MYO1E: variants seen among roughly 807,000 people sequenced by gnomAD.
MYO1E encodes myosin IE, also known as unconventional myosin-Ie.
Under a neutral mutation model 151.1 loss-of-function variants are expected in MYO1E, and 68 were observed. That is an observed-to-expected ratio of 0.45 (90% CI 0.37 to 0.55). MYO1E has a LOEUF of 0.55. Ranked by LOEUF, MYO1E falls within the 20% of genes least tolerant of loss-of-function variation. The pLI is 0.00. For missense variants in MYO1E, 1,363 were observed against 1,389.3 expected (o/e 0.98, Z 0.30); for synonymous variants, 601 against 501.7 (o/e 1.20, Z -2.64).
chr15:59,226,824 A>T (rs953720339), intron 7 of MYO1E, among the ~76,000 whole-genome samples: 8 of 152,196 alleles, frequency 5.3e-5, no homozygotes. Context: ...AAAATAAATA[A>T]AATAAAAGTA....
At chr15:59,346,208 C>T (rs2080793247) in intron 1 of MYO1E, among the ~76,000 whole-genome samples, 1 of 152,082 alleles carries the variant, frequency 6.6e-6, no homozygotes, top group African/African-American at 2.4e-5. Flanking sequence ...CGAGGTGCAT[C>T]ACTGAACATC....
Position 59,350,310 on chromosome 15 carries a change from G to T in MYO1E, c.3+22188C>A, listed in dbSNP as rs28473476. Among the ~76,000 whole-genome samples, 3,793 of 152,292 alleles carry T rather than the reference G, an allele frequency of 0.025. 154 individuals are homozygous for T. Among genetic ancestry groups the T allele is most frequent in the African/African-American group, 0.082 (3,425 of 41,554 alleles). On this transcript the variant is annotated intron_variant, in intron 1 of 27. Transcript: ENST00000288235. The surrounding 1 kb of genome is among the most constrained non-coding windows in gnomAD (Gnocchi z 5.0). ...TCTGCTGACTCACCTTCACACTCCA[G>T]CTAGAGGATACACTGACTCACAGTT...
chr15:59,210,265 T>G (rs2140340149), intron 13 of MYO1E, among the ~76,000 whole-genome samples: 1 of 152,256 alleles, frequency 6.6e-6, no homozygotes, highest in African/African-American at 2.4e-5. Context: ...GATCCTGTCT[T>G]CTCTTAGAAT....
intron 1 of MYO1E, among the ~76,000 whole-genome samples, chr15:59,335,171 G>A (rs2080720836): frequency 6.6e-6 from 1 of 152,196 alleles, no homozygotes; most frequent in Admixed American, 6.5e-5. Flanking sequence ...TATTTGCATA[G>A]CTCATGGCTT....
intron 4 of MYO1E, among the ~76,000 whole-genome samples, chr15:59,244,609 C>T (rs1377638720): frequency 2.6e-5 from 4 of 152,150 alleles, no homozygotes; most frequent in Non-Finnish European, 4.4e-5. Flanking sequence ...AACCTAACAC[C>T]TGCTGGCTCA....
intron 22 of MYO1E, among the ~76,000 whole-genome samples, chr15:59,169,562 TTTC>T (rs2079580094): frequency 6.6e-6 from 1 of 152,130 alleles, no homozygotes; most frequent in African/African-American, 2.4e-5. Flanking sequence ...TGACTCACAC[TTTC>T]TTTTTTTTTC....
At position 59,208,705 on chromosome 15, in the gene MYO1E, G is replaced by A. The variant is rs913508027; in HGVS notation, c.1506C>T (p.Phe502=). The A allele has an allele frequency of 6.2e-7, 1 of 1,614,206 alleles. No homozygotes were observed. The highest frequency in any genetic ancestry group is 1.7e-5 in the Admixed American group (1 of 60,022). The change falls in exon 14 of 28, where the codon TTC becomes TTT. Residue 502 remains phenylalanine (F), a synonymous_variant. Coordinates refer to ENST00000288235, the MANE Select transcript of MYO1E (RefSeq NM_004998.4). ...CCTTCCCAGCATAATGATGAATGAT[G>A]AAGCCTTGGTTCCAACTGTTGAAGT... is the stretch of plus-strand genomic sequence containing the variant. ...HEHFNSWNQG[F]IIHHYAGKVS... is the part of the protein sequence containing the mutation.
chr15:59,224,376 G>A (rs1453431992), intron 8 of MYO1E, among the ~76,000 whole-genome samples: 8 of 152,178 alleles, frequency 5.3e-5, no homozygotes, highest in Admixed American at 3.3e-4. Context: ...AATAGCTCAC[G>A]AATAGAGTAG....
chr15:59,258,068 G>A (rs2080204115), intron 3 of MYO1E, among the ~76,000 whole-genome samples: 1 of 152,092 alleles, frequency 6.6e-6, no homozygotes, highest in Non-Finnish European at 1.5e-5. Context: ...TGGAAGTGAG[G>A]GCTGGCCCTG....
chr15:59,319,001 T>A (rs1245317509), intron 1 of MYO1E, among the ~76,000 whole-genome samples: 1 of 152,168 alleles, frequency 6.6e-6, no homozygotes, highest in African/African-American at 2.4e-5. Flanking sequence ...TATGAATGGG[T>A]AAGTGTCATT....
Position 59,327,234 on chromosome 15 carries a change from G to A in MYO1E, c.3+45264C>T, listed in dbSNP as rs1212559621. Reference sequence around the variant, plus strand: ...TTTCTATTCCCATGGACCCACCAGTGCAGCCGTGGCTCACCGCTGGGCACT... The same window carrying A: ...TTTCTATTCCCATGGACCCACCAGTACAGCCGTGGCTCACCGCTGGGCACT... On this transcript the variant is annotated intron_variant, in intron 1 of 27. Transcript: ENST00000288235. 2.6e-5 allele frequency among the ~76,000 whole-genome samples: 4 copies of A among 152,096 alleles called. No homozygotes were observed. In the East Asian group the frequency reaches 7.7e-4, roughly 29 times the overall value.
chr15:59,280,033 T>C (rs1461196785), intron 1 of MYO1E, among the ~76,000 whole-genome samples: 3 of 152,204 alleles, frequency 2.0e-5, no homozygotes, highest in African/African-American at 7.2e-5. Context: ...CAGAATGAAA[T>C]ATATAAATGT....
rs751114567 is a variant in MYO1E, at chr15:59,138,268, A to G, written c.3180T>C (p.Tyr1060=). The change falls in exon 27 of 28, where the codon TAT becomes TAC. Residue 1060 remains tyrosine (Y), a synonymous_variant. Transcript: ENST00000288235. ...CGTCTGTGTCCTGAGCGTCATAGGC[A>G]TACAAAGCCTTGCACTGTGGCACCT... ...KPQVPQCKAL[Y]AYDAQDTDEL... 1 of 1,614,240 alleles carries G rather than the reference A, an allele frequency of 6.2e-7. No individual in the cohort carries two copies. Among genetic ancestry groups the G allele is most frequent in the Non-Finnish European group, 8.5e-7 (1 of 1,180,038 alleles).
At chr15:59,156,893 T>A (rs531814913) in intron 25 of MYO1E, among the ~76,000 whole-genome samples, 48 of 152,154 alleles carry the variant, frequency 3.2e-4, no homozygotes, top group Non-Finnish European at 3.1e-4. Flanking sequence ...AGATTCAGGT[T>A]TAGAGTGTCT....
intron 1 of MYO1E, among the ~76,000 whole-genome samples, chr15:59,285,840 T>C (rs1450179461): frequency 6.6e-6 from 1 of 152,240 alleles, no homozygotes; most frequent in Non-Finnish European, 1.5e-5. Context: ...ACAAAAGTAA[T>C]TGCGGTTTTT....
chr15:59,248,745 T>G (rs1289454799), intron 4 of MYO1E, among the ~76,000 whole-genome samples: 1 of 152,156 alleles, frequency 6.6e-6, no homozygotes, highest in Non-Finnish European at 1.5e-5. Context: ...GTAAAAAGAC[T>G]GTTCTGCAGA....
chr15:59,205,295 TG>T, intron 15 of MYO1E, 104 bp downstream of exon 15: 2 of 1,125,088 alleles, frequency 1.8e-6, no homozygotes, highest in Non-Finnish European at 1.3e-6. Flanking sequence ...CCTGAGTAGC[TG>T]GGACTATAGG....
At chr15:59,319,317 C>T (rs77307457) in intron 1 of MYO1E, among the ~76,000 whole-genome samples, 2,852 of 151,612 alleles carry the variant, frequency 0.019, 38 homozygotes, top group Non-Finnish European at 0.032. Flanking sequence ...TCTGAAAAAA[C>T]GAAAAAAAGA....
intron 1 of MYO1E, among the ~76,000 whole-genome samples, chr15:59,289,515 C>T (rs1287555230): frequency 6.6e-6 from 1 of 152,150 alleles, no homozygotes; most frequent in African/African-American, 2.4e-5. Context: ...AGTGCATAGA[C>T]CCCACTTTGG....
Sources: allele counts gnomAD v4.1 joint callset (sites outside exome capture counted in the v4.1 genomes callset), GRCh38; gene constraint gnomAD v4.1.1; non-coding constraint Gnocchi (gnomAD v3.1); transcripts MANE v1.5; gene names NCBI Gene and HGNC (gene_info 2026-07-23, HGNC 2026-07-21).